IARS1: variants seen among roughly 807,000 people sequenced by gnomAD.
IARS1 encodes isoleucyl-tRNA synthetase 1, also known as isoleucine--tRNA ligase, cytoplasmic.
IARS1 carries 124 observed loss-of-function variants against 168.2 expected under a neutral mutation model. The observed-to-expected ratio is 0.74, with a 90% CI of 0.64 to 0.86. IARS1 has a LOEUF of 0.86. IARS1 is among the 40% of genes least tolerant of loss of function. The pLI, the probability that IARS1 is intolerant of heterozygous loss-of-function variation, is 0.00. For synonymous variants in IARS1, 532 were observed against 529.4 expected (o/e 1.00, Z -0.07); for missense variants, 1,452 against 1,515.8 (o/e 0.96, Z 0.70).
intron 10 of IARS1, among the ~76,000 whole-genome samples, chr9:92,274,122 C>T (rs1240986325): frequency 6.6e-6 from 1 of 151,928 alleles, no homozygotes; most frequent in Non-Finnish European, 1.5e-5. Context: ...TAATTAAGAA[C>T]ACAGCAGAGG....
At chr9:92,225,382 C>A (rs1294207950) in intron 31 of IARS1, among the ~76,000 whole-genome samples, 1 of 152,076 alleles carries the variant, frequency 6.6e-6, no homozygotes, top group Non-Finnish European at 1.5e-5. Context: ...TATTTCCTTA[C>A]CATATAACAT....
rs1834446021 is a variant in IARS1 at position 92,280,870 on chromosome 9, A to T, written c.621T>A (p.Phe207Leu). The change falls in exon 7 of 34, where the codon TTT (phenylalanine) becomes TTA (leucine). Residue 207 changes from phenylalanine (F) to leucine (L), a missense_variant. Transcript: ENST00000443024. ...NYKDVQDPSVFVTFPLEEDET... is the reference protein window; with the variant it reads ...NYKDVQDPSVLVTFPLEEDET... Reference sequence around the variant, plus strand: ...CATCTTCTTCCAAAGGGAAAGTTACAAATACTGAAGGATCTTGAACATCCT... The same window carrying T: ...CATCTTCTTCCAAAGGGAAAGTTACTAATACTGAAGGATCTTGAACATCCT... 5 of 1,611,368 alleles carry T rather than the reference A, an allele frequency of 3.1e-6. No individual in the cohort carries two copies. Among genetic ancestry groups the T allele is most frequent in the Non-Finnish European group, 2.5e-6 (3 of 1,177,990 alleles).
chr9:92,215,949 C>G (rs1425751482), intron 33 of IARS1, among the ~76,000 whole-genome samples: 2 of 151,194 alleles, frequency 1.3e-5, no homozygotes, highest in African/African-American at 2.4e-5. Flanking sequence ...TCGAGAAGAG[C>G]AACTCCAAGA....
intron 19 of IARS1, among the ~76,000 whole-genome samples, chr9:92,257,136 G>A (rs934895361): frequency 2.0e-5 from 3 of 152,230 alleles, no homozygotes; most frequent in African/African-American, 7.2e-5. Context: ...AGGAAGGACA[G>A]TAGAACTGTC....
intron 4 of IARS1, among the ~76,000 whole-genome samples, chr9:92,287,213 T>C (rs937786380): frequency 4.6e-5 from 7 of 152,158 alleles, no homozygotes; most frequent in East Asian, 3.8e-4. Flanking sequence ...TTATAGAAAA[T>C]AGCTGTTCTG....
At chr9:92,259,965 T>C (rs960989912) in intron 18 of IARS1, among the ~76,000 whole-genome samples, 186 bp downstream of exon 18, 3 of 152,204 alleles carry the variant, frequency 2.0e-5, no homozygotes, top group Admixed American at 6.5e-5. Context: ...TAAAAATGCC[T>C]TTATTATTTA....
intron 31 of IARS1, among the ~76,000 whole-genome samples, chr9:92,226,118 G>A (rs530702421): frequency 6.6e-6 from 1 of 152,276 alleles, no homozygotes; most frequent in East Asian, 1.9e-4. Context: ...CCACCACCTT[G>A]GTGGAACCTG....
Position 92,251,797 on chromosome 9 carries a change from A to T in IARS1, c.2307+11T>A, listed in dbSNP as rs775579117. On this transcript the variant is annotated intron_variant, in intron 22 of 33. Coordinates refer to ENST00000443024, the MANE Select transcript of IARS1 (RefSeq NM_002161.6). ...GGCCAAAGGGTACTAGAAAGAAGCC[A>T]ATCATCTTACCATAAGTCTGCAAAG... 41 of 1,609,810 alleles carry T rather than the reference A, an allele frequency of 2.5e-5. No individual in the cohort carries two copies. The highest frequency in any genetic ancestry group is 3.3e-5 in the Non-Finnish European group (39 of 1,176,182).
intron 26 of IARS1, among the ~76,000 whole-genome samples, chr9:92,247,058 G>T (rs866012868): frequency 2.0e-5 from 3 of 152,078 alleles, no homozygotes; most frequent in South Asian, 2.1e-4. Flanking sequence ...GCCAGGCATG[G>T]TACTACGTGC....
chr9:92,230,316 T>G lies in IARS1; in HGVS notation c.3284-1190A>C, dbSNP rs1358229682. Among the ~76,000 whole-genome samples, 6 of 152,148 alleles carry G rather than the reference T, an allele frequency of 3.9e-5. No homozygotes were observed. In the South Asian group the frequency reaches 1.0e-3, roughly 26 times the overall value. Reference sequence around the variant, plus strand: ...TCAGTAGAGACGGGGTTTCACCATGTTGGCCAGGCTGGTCTCAAACTCCTG... The same window carrying G: ...TCAGTAGAGACGGGGTTTCACCATGGTGGCCAGGCTGGTCTCAAACTCCTG... On this transcript the variant is annotated intron_variant, in intron 30 of 33. Transcript: ENST00000443024.
chr9:92,288,132 T>C lies in IARS1; in HGVS notation c.270A>G (p.Leu90=). 1 of 1,613,396 alleles carries C rather than the reference T, an allele frequency of 6.2e-7. No homozygotes were observed. Among genetic ancestry groups the C allele is most frequent in the Non-Finnish European group, 8.5e-7 (1 of 1,179,788 alleles). The change falls in exon 3 of 34, where the codon TTA becomes TTG. Residue 90 remains leucine (L), a synonymous_variant. Coordinates refer to ENST00000443024, the MANE Select transcript of IARS1 (RefSeq NM_002161.6). Reference sequence around the variant, plus strand: ...GCTGGATACTCAAACATACCACAGGTAAGCCATGGCAATCCCATCCAAATC... The same window carrying C: ...GCTGGATACTCAAACATACCACAGGCAAGCCATGGCAATCCCATCCAAATC... The part of the protein sequence containing the change: ...DRRFGWDCHG[L]PVEYEIDKTL...
intron 12 of IARS1, among the ~76,000 whole-genome samples, chr9:92,270,363 T>A (rs1297906645): frequency 3.9e-5 from 6 of 152,164 alleles, no homozygotes; most frequent in Non-Finnish European, 2.9e-5. Flanking sequence ...TCATATTAAA[T>A]TTTTCAATAA....
At position 92,279,154 on chromosome 9, in the gene IARS1, G is replaced by GT; in HGVS notation, c.746-869dup. 2.6e-5 allele frequency among the ~76,000 whole-genome samples: 4 copies of GT among 152,242 alleles called. 1 individual carries two copies. Among genetic ancestry groups the GT allele is most frequent in the African/African-American group, 9.6e-5 (4 of 41,536 alleles). On this transcript the variant is annotated intron_variant, in intron 7 of 33. Transcript: ENST00000443024. Reference sequence around the variant, plus strand: ...ATTTAGTTCACTATAAGAAAAATGAGTATCTATGGGTCATTGTAAAAGCCT... The same window carrying GT: ...ATTTAGTTCACTATAAGAAAAATGAGTTATCTATGGGTCATTGTAAAAGCCT...
In IARS1 at chr9:92,222,615, C is replaced by A. The variant is rs1839833273; in HGVS notation, c.3611G>T (p.Gly1204Val). ...ATACAGAAGACCTTGGTGGGTGAGT[C>A]CATTCTGCCCAAGTGGGTTTTCAAG... ...LLLENPLGQN[G>V]LTHQGLLYEA... Residue 1204 changes from glycine (G) to valine (V), a missense_variant, in exon 33 of 34, where the codon GGA (glycine) becomes GTA (valine). Coordinates refer to ENST00000443024, the MANE Select transcript of IARS1 (RefSeq NM_002161.6). 6.2e-7 allele frequency: 1 copy of A among 1,614,040 alleles called. No individual in the cohort carries two copies. The highest frequency in any genetic ancestry group is 8.5e-7 in the Non-Finnish European group (1 of 1,179,984).
At chr9:92,292,168 C>G (rs1836455233) in intron 1 of IARS1, among the ~76,000 whole-genome samples, 1 of 143,722 alleles carries the variant, frequency 7.0e-6, no homozygotes, top group Non-Finnish European at 1.5e-5. Flanking sequence ...CAGGTGTGCA[C>G]CACCACACTC....
intron 9 of IARS1, 128 bp from the exon 10 acceptor site, chr9:92,274,649 GAA>G: frequency 1.6e-6 from 1 of 611,436 alleles, no homozygotes; most frequent in Admixed American, 2.6e-5. Context: ...AAATAGAAAA[GAA>G]AGAATAATGC....
chr9:92,258,918 T>G lies in IARS1; in HGVS notation c.1952A>C (p.Asp651Ala). ...KEEGVRDVLK[D>A]VLLPWYNAYR... The stretch of plus-strand genomic sequence containing the variant: ...GGCATTGTACCATGGGAGCAGTACA[T>G]CCTTAAGGACGTCCCGCACACCCTC... The change falls in exon 19 of 34, where the codon GAT (aspartate) becomes GCT (alanine). Residue 651 changes from aspartate to alanine, a missense_variant. Physicochemically the swap from Asp to Ala is moderately radical, Grantham distance 126 (BLOSUM62 -2). Transcript: ENST00000443024. The G allele has an allele frequency of 1.2e-6, 2 of 1,613,994 alleles. No homozygotes were observed. The highest frequency in any genetic ancestry group is 1.7e-6 in the Non-Finnish European group (2 of 1,179,962).
rs571796400 is a variant in IARS1, at chr9:92,258,911, C to T, written c.1959G>A (p.Leu653=). The T allele has an allele frequency of 1.9e-6, 3 of 1,613,990 alleles. No homozygotes were observed. The Admixed American group carries it at 5.0e-5, about 27-fold the overall frequency. Residue 653 remains leucine, a synonymous_variant, in exon 19 of 34, where the codon CTG becomes CTA. Coordinates refer to ENST00000443024, the MANE Select transcript of IARS1 (RefSeq NM_002161.6). ...AGCGATAGGCATTGTACCATGGGAG[C>T]AGTACATCCTTAAGGACGTCCCGCA... The part of the protein sequence containing the change: ...EGVRDVLKDV[L]LPWYNAYRFL...
chr9:92,256,753 G>A lies in IARS1; in HGVS notation c.2064C>T (p.Ser688=). The change falls in exon 20 of 34, where the codon AGC becomes AGT. Residue 688 remains serine (S), a synonymous_variant. Transcript: ENST00000443024. The stretch of plus-strand genomic sequence containing the variant: ...GGATCCACCGGTCTGTAATGTTGGG[G>A]CTTTCTCTAACCGTGTTCTCATTGT... ...FLYNENTVRE[S]PNITDRWILS... is the part of the protein sequence containing the mutation. 2 of 1,613,648 alleles carry A rather than the reference G, an allele frequency of 1.2e-6. No homozygotes were observed. The highest frequency in any genetic ancestry group is 1.7e-6 in the Non-Finnish European group (2 of 1,179,608).
Sources: allele counts gnomAD v4.1 joint callset (sites outside exome capture counted in the v4.1 genomes callset), GRCh38; gene constraint gnomAD v4.1.1; transcripts MANE v1.5; gene names NCBI Gene and HGNC (gene_info 2026-07-23, HGNC 2026-07-21).